Variants in EPB42 observed in about 807,000 individuals in gnomAD.
The protein encoded by EPB42 is erythrocyte membrane protein band 4.2, also known as protein 4.2.
Under a neutral mutation model 76.9 loss-of-function variants are expected in EPB42, and 49 were observed. The observed-to-expected ratio is 0.64, with a 90% CI of 0.51 to 0.81. The LOEUF (loss-of-function observed/expected upper bound fraction) is 0.81, where lower values mean the gene tolerates loss of function less well. Among genes scored for constraint, EPB42 ranks in the 30% least tolerant of loss-of-function variants. The probability of loss-of-function intolerance (pLI) is 0.00; values close to 1 mark genes in which losing one functional copy is unlikely to be tolerated. For missense variants in EPB42, 731 were observed against 867.6 expected, an observed-to-expected ratio of 0.84 and a Z score of 1.98; for synonymous variants, 310 against 338.4, an observed-to-expected ratio of 0.92 and a Z score of 0.92.
At chr15:43,213,222 C>T (rs1315738988) in intron 3 of EPB42, among the ~76,000 whole-genome samples, 3 of 152,156 alleles carry the variant, frequency 2.0e-5, no homozygotes, top group African/African-American at 7.2e-5. Flanking sequence ...TGGGCAGTGC[C>T]AGCCTCCTCC....
chr15:43,216,338 G>T lies in EPB42; in HGVS notation c.126C>A (p.Ile42=), dbSNP rs1464957475. The change falls in exon 2 of 13, where the codon ATC becomes ATA. Residue 42 remains isoleucine, a synonymous_variant. Transcript: ENST00000441366. ...FVRRGQPFTI[I]LYFRAPVRAF... ...CACGGACTGGAGCGCGGAAGTACAG[G>T]ATGATGGTGAAGGGCTGCCCCCTCC... The T allele has an allele frequency of 1.3e-5, 21 of 1,614,238 alleles. No individual in the cohort carries two copies. The highest frequency in any genetic ancestry group is 1.7e-5 in the Non-Finnish European group (20 of 1,180,052).
chr15:43,197,227 T>C lies in EPB42; in HGVS notation c.*75A>G. 1 of 1,597,348 alleles carries C rather than the reference T, an allele frequency of 6.3e-7. No individual in the cohort carries two copies. On this transcript the variant is annotated 3_prime_UTR_variant, in exon 13 of 13. Transcript: ENST00000441366. ...GCAACACAAACACTGAGACGCAAAGTTTCTCTTCCTAGCACATGTTTGGTT... is the reference window on the plus strand; with the variant it reads ...GCAACACAAACACTGAGACGCAAAGCTTCTCTTCCTAGCACATGTTTGGTT...
At chr15:43,210,300 C>A in intron 5 of EPB42, 35 bp downstream of exon 5, 2 of 1,595,692 alleles carry the variant, frequency 1.3e-6, no homozygotes, top group Non-Finnish European at 1.7e-6. Flanking sequence ...TTTTCTCACC[C>A]CTGCCCCATT....
chr15:43,223,953 A>G (rs2042485055), upstream of EPB42, among the ~76,000 whole-genome samples: 1 of 152,176 alleles, frequency 6.6e-6, no homozygotes, highest in African/African-American at 2.4e-5. Flanking sequence ...AGCCTTGACA[A>G]CAGAGCAAGA....
At chr15:43,224,550 T>C (rs2042490713), upstream of EPB42, among the ~76,000 whole-genome samples, 1 of 152,118 alleles carries the variant, frequency 6.6e-6, no homozygotes, top group African/African-American at 2.4e-5. Flanking sequence ...TACTTCTAGG[T>C]ATTTATCATA....
intron 10 of EPB42, among the ~76,000 whole-genome samples, chr15:43,205,807 G>A (rs2042194003): frequency 6.6e-6 from 1 of 152,160 alleles, no homozygotes; most frequent in Non-Finnish European, 1.5e-5. Context: ...TTCTGGTTCA[G>A]GGAATCTTAA....
At chr15:43,221,079 T>G (rs2042455613), upstream of EPB42, 14 of 510,044 alleles carry the variant, frequency 2.7e-5, no homozygotes, top group South Asian at 2.9e-4. Flanking sequence ...TCATTTTATC[T>G]CTTGTGCCAG....
intron 2 of EPB42, 109 bp from the exon 3 acceptor site, chr15:43,215,437 A>G: frequency 4.9e-6 from 6 of 1,212,686 alleles, no homozygotes; most frequent in Non-Finnish European, 7.3e-6. Flanking sequence ...TTTTTGGAGG[A>G]TAATGAAAGT....
At chr15:43,200,846 G>C (rs1036509776) in intron 12 of EPB42, among the ~76,000 whole-genome samples, 1 of 145,896 alleles carries the variant, frequency 6.9e-6, no homozygotes, top group African/African-American at 2.6e-5. Flanking sequence ...ATGGAGTCTC[G>C]CTCTTTCACC....
At chr15:43,209,189 C>T (rs2042253030) in intron 6 of EPB42, 85 bp downstream of exon 6, 2 of 1,525,048 alleles carry the variant, frequency 1.3e-6, no homozygotes. Flanking sequence ...GAGGCAGCAC[C>T]TGCTTTTGGA....
At chr15:43,221,116 A>T, upstream of EPB42, 1 of 428,088 alleles carries the variant, frequency 2.3e-6, no homozygotes, top group Non-Finnish European at 4.4e-6. Flanking sequence ...TACGCCTGGC[A>T]GCCCTGGGGG....
intron 1 of EPB42, among the ~76,000 whole-genome samples, chr15:43,216,711 A>C (rs2042384300): frequency 6.6e-6 from 1 of 152,192 alleles, no homozygotes; most frequent in Non-Finnish European, 1.5e-5. Context: ...AGTAAGTCCC[A>C]TTAAATGAAA....
chr15:43,216,399 T>C lies in EPB42; in HGVS notation c.65A>G (p.His22Arg), dbSNP rs1266075154. The C allele has an allele frequency of 1.2e-6, 2 of 1,614,168 alleles. No individual in the cohort carries two copies. Among genetic ancestry groups the C allele is most frequent in the Admixed American group, 1.7e-5 (1 of 60,026 alleles). The change falls in exon 2 of 13, where the codon CAC becomes CGC. Residue 22 changes from histidine to arginine, a missense_variant. By Grantham distance (29) the His-to-Arg change is conservative. Transcript: ENST00000441366. The part of the protein sequence containing the change: ...FQAARNNEEH[H>R]TKALSSRRLF... ...GCGCCGGGAGCTGAGGGCCTTGGTGTGGTGCTCCTCATTGTTTCTTGCTGC... is the reference window on the plus strand; with the variant it reads ...GCGCCGGGAGCTGAGGGCCTTGGTGCGGTGCTCCTCATTGTTTCTTGCTGC...
chr15:43,208,508 G>C (rs569478385), intron 7 of EPB42, 129 bp downstream of exon 7: 2 of 1,493,778 alleles, frequency 1.3e-6, no homozygotes, highest in Admixed American at 3.3e-5. Flanking sequence ...CATCAGCGCC[G>C]CCTCTAAGGG....
rs2042212440 is a variant in EPB42, at chr15:43,206,848, TC to T, written c.1319-220del. On this transcript the variant is annotated intron_variant, in intron 9 of 12. Transcript: ENST00000441366. This position sits in a 1 kb window ranked among gnomAD's most constrained non-coding sequence, Gnocchi z 4.7. ...CTTCCAAACCACTCAAGGACCAAGT[TC>T]TTTTTCAAGTGCTATGAATTCTCCC... 6.6e-6 allele frequency among the ~76,000 whole-genome samples: 1 copy of T among 152,016 alleles called. No homozygotes were observed.
At position 43,220,976 on chromosome 15, in the gene EPB42, C is replaced by T; in HGVS notation, c.-151G>A. On this transcript the variant is annotated 5_prime_UTR_variant, in exon 1 of 13. Coordinates refer to ENST00000441366, the MANE Select transcript of EPB42 (RefSeq NM_001114134.2). ...AGAATCTGGAAATAGCAAAACCTCC[C>T]CCCACTACTCCTGTGAGCACCCTGA... 2.9e-6 allele frequency: 2 copies of T among 695,468 alleles called. No individual in the cohort carries two copies. Among genetic ancestry groups the T allele is most frequent in the South Asian group, 3.1e-5 (2 of 64,672 alleles). The allele number at this position is 695,468 out of a possible 1,614,324, so 43.1% of individuals were successfully genotyped here. A position where few individuals can be genotyped will look rare whatever the true frequency, so the allele number is the denominator to read the frequency against.
intron 3 of EPB42, among the ~76,000 whole-genome samples, chr15:43,212,394 G>GA (rs371744098): frequency 0.018 from 2,583 of 140,376 alleles, 68 homozygotes; most frequent in African/African-American, 0.064. Flanking sequence ...AAAGAAAAAA[G>GA]AAAAAAAAAA....
chr15:43,210,687 C>T (rs1317680588), intron 4 of EPB42, among the ~76,000 whole-genome samples: 1 of 152,130 alleles, frequency 6.6e-6, no homozygotes, highest in African/African-American at 2.4e-5. Flanking sequence ...GTCTGACTCC[C>T]GGTAGGGTGT....
rs1443924849 is a variant in EPB42 at position 43,207,500 on chromosome 15, G to A, written c.1076-59C>T. 5.0e-6 allele frequency: 8 copies of A among 1,604,796 alleles called. No individual in the cohort carries two copies. The East Asian group carries it at 1.8e-4, about 36-fold the overall frequency. ...TGCGCCTAGACCTCTGCTCAGTTCA[G>A]AACTGCGTAACCTCAGTCCCCATCC... On this transcript the variant is annotated intron_variant, in intron 8 of 12. Coordinates refer to ENST00000441366, the MANE Select transcript of EPB42 (RefSeq NM_001114134.2).
Sources: allele counts gnomAD v4.1 joint callset (sites outside exome capture counted in the v4.1 genomes callset), GRCh38; gene constraint gnomAD v4.1.1; non-coding constraint Gnocchi (gnomAD v3.1); transcripts MANE v1.5; gene names NCBI Gene and HGNC (gene_info 2026-07-23, HGNC 2026-07-21).